The following PER1 variants were observed in gnomAD, a reference collection of about 807,000 sequenced individuals.
PER1 encodes period circadian regulator 1.
Under a neutral mutation model 125.9 loss-of-function variants are expected in PER1, and 87 were observed. The observed-to-expected ratio is 0.69, with a 90% CI of 0.58 to 0.83. The LOEUF (loss-of-function observed/expected upper bound fraction) is 0.83. Ranked by LOEUF, PER1 falls within the 40% of genes least tolerant of loss-of-function variation. PER1 has a pLI of 0.00. For missense variants in PER1, 1,775 were observed against 1,722.8 expected (o/e 1.03, Z -0.54); for synonymous variants, 801 against 714.7 (o/e 1.12, Z -1.93).
rs1257474591 is a variant in PER1, at chr17:8,141,182, C to G, written c.3759G>C (p.Glu1253Asp). The G allele has an allele frequency of 6.2e-7, 1 of 1,614,212 alleles. No homozygotes were observed. The highest frequency in any genetic ancestry group is 8.5e-7 in the Non-Finnish European group (1 of 1,180,034). ...TTGAAGCCTTGGCCCCGCCTTGGGCCTCCTCGCAGCCCTCTCCCTCACCAC... is the reference window on the plus strand; with the variant it reads ...TTGAAGCCTTGGCCCCGCCTTGGGCGTCCTCGCAGCCCTCTCCCTCACCAC... ...GGSGEGEGCE[E>D]AQGGAKASSS... is the part of the protein sequence containing the mutation. Residue 1253 changes from glutamate to aspartate, a missense_variant, in exon 23 of 23, where the codon GAG (glutamate) becomes GAC (aspartate). Transcript: ENST00000317276.
At chr17:8,151,479 C>G (rs539901084) in intron 1 of PER1, among the ~76,000 whole-genome samples, 1 of 152,218 alleles carries the variant, frequency 6.6e-6, no homozygotes, top group South Asian at 2.1e-4. Context: ...ATCCCCAGTC[C>G]CAGGATGGCT....
intron 18 of PER1, 184 bp downstream of exon 18, chr17:8,144,567 C>A: frequency 4.1e-6 from 3 of 730,852 alleles, no homozygotes; most frequent in Non-Finnish European, 6.3e-6. Context: ...CCTCTGGCTG[C>A]AGCCCGGAAC....
chr17:8,144,936 G>T lies in PER1; in HGVS notation c.2276C>A (p.Ala759Asp). ...GLAPGPAPSP[A>D]PSPTVAPDPA... is the part of the protein sequence containing the mutation. ...GTCAGGGGCTACTGTGGGGCTGGGGGCTGGGCTGGGGGCTGGGCCTGGGGC... is the reference window on the plus strand; with the variant it reads ...GTCAGGGGCTACTGTGGGGCTGGGGTCTGGGCTGGGGGCTGGGCCTGGGGC... The change falls in exon 18 of 23, where the codon GCC becomes GAC. Residue 759 changes from alanine to aspartate, a missense_variant. Ala to Asp is a moderately radical substitution (Grantham distance 126). Coordinates refer to ENST00000317276, the MANE Select transcript of PER1 (RefSeq NM_002616.3). 6.6e-7 allele frequency: 1 copy of T among 1,519,552 alleles called. No individual in the cohort carries two copies. Among genetic ancestry groups the T allele is most frequent in the Non-Finnish European group, 8.8e-7 (1 of 1,132,348 alleles). 94.1% of individuals were successfully genotyped at this position (1,519,552 alleles called of 1,614,324 possible). A position where few individuals can be genotyped will look rare whatever the true frequency, so the allele number is the denominator to read the frequency against.
intron 22 of PER1, 98 bp from the exon 23 acceptor site, chr17:8,141,438 T>C: frequency 7.3e-7 from 1 of 1,378,912 alleles, no homozygotes; most frequent in Non-Finnish European, 9.8e-7. Context: ...CTTCCCGAAA[T>C]GTACTCCCAA....
intron 17 of PER1, among the ~76,000 whole-genome samples, chr17:8,145,621 G>GC (rs1289558801): frequency 2.0e-5 from 3 of 152,156 alleles, no homozygotes; most frequent in Non-Finnish European, 2.9e-5. Context: ...ACCATGCCCA[G>GC]CCCCTCATGA....
rs550597520 is a variant in PER1 at position 8,146,057 on chromosome 17, C to T, written c.2119G>A (p.Ala707Thr). 6.8e-6 allele frequency: 11 copies of T among 1,613,956 alleles called. No homozygotes were observed. Among genetic ancestry groups the T allele is most frequent in the South Asian group, 6.6e-5 (6 of 91,078 alleles). ...ACACTCTCCGCCTTATTGGCCAGGG[C>T]GAGCGGGCTCAGGGTGCCTCCCACC... Reference protein sequence around the residue: ...PVVGGTLSPLALANKAESVVS... With the variant: ...PVVGGTLSPLTLANKAESVVS... Residue 707 changes from alanine to threonine, a missense_variant, in exon 17 of 23, where the codon GCC becomes ACC. Coordinates refer to ENST00000317276, the MANE Select transcript of PER1 (RefSeq NM_002616.3).
At chr17:8,149,193 A>T in intron 7 of PER1, 66 bp downstream of exon 7, 1 of 1,429,304 alleles carries the variant, frequency 7.0e-7, no homozygotes, top group Non-Finnish European at 9.6e-7. Flanking sequence ...CCTTTCAAAA[A>T]GCAAAAACAA....
chr17:8,147,493 G>A lies in PER1; in HGVS notation c.1474C>T (p.Gln492Ter), dbSNP rs1171297166. 1 of 1,613,886 alleles carries A rather than the reference G, an allele frequency of 6.2e-7. No individual in the cohort carries two copies. The highest frequency in any genetic ancestry group is 8.5e-7 in the Non-Finnish European group (1 of 1,179,898). ...LDTDIQELSE[Q>*]IHRLLLQPVH... ...ACCTGCAGCAGCAGCCGGTGGATCT[G>A]CTCTGACAGCTCCTGGATATCAGTG... Residue 492 changes from glutamine to a stop codon, truncating the protein, a stop_gained, in exon 12 of 23, where the codon CAG (glutamine) becomes TAG (stop). Coordinates refer to ENST00000317276, the MANE Select transcript of PER1 (RefSeq NM_002616.3). LOFTEE classifies it high-confidence loss of function.
At position 8,149,618 on chromosome 17, in the gene PER1, A is replaced by C. The variant is rs1001386956; in HGVS notation, c.697T>G (p.Tyr233Asp). 3 of 1,611,944 alleles carry C rather than the reference A, an allele frequency of 1.9e-6. No homozygotes were observed. The highest frequency in any genetic ancestry group is 2.5e-6 in the Non-Finnish European group (3 of 1,178,254). The change falls in exon 6 of 23, where the codon TAC becomes GAC. Residue 233 changes from tyrosine to aspartate, a missense_variant. Physicochemically the swap from Tyr to Asp is radical, Grantham distance 160. Coordinates refer to ENST00000317276, the MANE Select transcript of PER1 (RefSeq NM_002616.3). ...AVSFLTGRIVYISEQAAVLLR... is the reference protein window; with the variant it reads ...AVSFLTGRIVDISEQAAVLLR... ...AGGACGGCTGCCTGCTCCGAAATGT[A>C]GACGATTCGGCCCGTCAGGAAGGAG... is the stretch of plus-strand genomic sequence containing the variant.
chr17:8,141,923 T>C lies in PER1; in HGVS notation c.3482A>G (p.Glu1161Gly). The stretch of plus-strand genomic sequence containing the variant: ...CTGCTTCTGCATGGCTCGGAGCCGC[T>C]CCCGATCCTGCTTCAGCACAGAGGT... ...DMTSVLKQDR[E>G]RLRAMQKQQP... The change falls in exon 22 of 23, where the codon GAG becomes GGG. Residue 1161 changes from glutamate (E) to glycine (G), a missense_variant. Transcript: ENST00000317276. 6.2e-7 allele frequency: 1 copy of C among 1,614,016 alleles called. No homozygotes were observed. The highest frequency in any genetic ancestry group is 8.5e-7 in the Non-Finnish European group (1 of 1,180,024).
Position 8,141,124 on chromosome 17 carries a change from C to A in PER1, c.3817G>T (p.Glu1273Ter). 6.2e-7 allele frequency: 1 copy of A among 1,614,208 alleles called. No homozygotes were observed. Among genetic ancestry groups the A allele is most frequent in the Non-Finnish European group, 8.5e-7 (1 of 1,180,016 alleles). ...SQDLAMEEEE[E>*]GRSSSSPALP... ...GCTGGACTGGATGAGCTCCTGCCTT[C>A]TTCCTCCTCCTCCATAGCCAAGTCC... The change falls in exon 23 of 23, where the codon GAA (glutamate) becomes TAA (stop). Residue 1273 changes from glutamate (E) to a stop codon, truncating the protein, a stop_gained. Transcript: ENST00000317276. LOFTEE classifies it high-confidence loss of function.
chr17:8,142,630 C>T lies in PER1; in HGVS notation c.3259+19G>A. On this transcript the variant is annotated intron_variant, in intron 20 of 22. Coordinates refer to ENST00000317276, the MANE Select transcript of PER1 (RefSeq NM_002616.3). ...AATCACTGCCCTACCCTGGGAGATGCTGGAGGCGGGGTACTCACGAGTGAT... is the reference window on the plus strand; with the variant it reads ...AATCACTGCCCTACCCTGGGAGATGTTGGAGGCGGGGTACTCACGAGTGAT... The T allele has an allele frequency of 1.2e-6, 2 of 1,611,988 alleles. No individual in the cohort carries two copies. The highest frequency in any genetic ancestry group is 1.7e-6 in the Non-Finnish European group (2 of 1,178,522).
In PER1 at chr17:8,147,833, G is replaced by A; in HGVS notation, c.1235-6C>T. 2 of 1,613,664 alleles carry A rather than the reference G, an allele frequency of 1.2e-6. No individual in the cohort carries two copies. The highest frequency in any genetic ancestry group is 8.5e-7 in the Non-Finnish European group (1 of 1,179,946). On this transcript the variant is annotated splice_region_variant and splice_polypyrimidine_tract_variant and intron_variant, in intron 10 of 22. Coordinates refer to ENST00000317276, the MANE Select transcript of PER1 (RefSeq NM_002616.3). ...CTGGCCCGCCAACTGCAGAACTGATGGAAGTGGGAAAGGAGGAGCGGTCAA... is the reference window on the plus strand; with the variant it reads ...CTGGCCCGCCAACTGCAGAACTGATAGAAGTGGGAAAGGAGGAGCGGTCAA...
Position 8,147,491 on chromosome 17 carries a change from C to G in PER1, c.1476G>C (p.Gln492His), listed in dbSNP as rs1982531589. The G allele has an allele frequency of 6.2e-7, 1 of 1,613,808 alleles. No individual in the cohort carries two copies. The highest frequency in any genetic ancestry group is 8.5e-7 in the Non-Finnish European group (1 of 1,179,944). ...TCACCTGCAGCAGCAGCCGGTGGAT[C>G]TGCTCTGACAGCTCCTGGATATCAG... ...LDTDIQELSE[Q>H]IHRLLLQPVH... The change falls in exon 12 of 23, where the codon CAG becomes CAC. Residue 492 changes from glutamine (Q) to histidine (H), a missense_variant. Coordinates refer to ENST00000317276, the MANE Select transcript of PER1 (RefSeq NM_002616.3).
At chr17:8,143,049 A>T (rs1159024893) in intron 19 of PER1, among the ~76,000 whole-genome samples, 1 of 152,190 alleles carries the variant, frequency 6.6e-6, no homozygotes, top group Non-Finnish European at 1.5e-5. Context: ...CTCTCTCAGA[A>T]GTTATTGAGA....
At chr17:8,150,935 G>C in intron 1 of PER1, 90 bp from the exon 2 acceptor site, 1 of 512,064 alleles carries the variant, frequency 2.0e-6, no homozygotes. Context: ...CCCCCTGCCT[G>C]GCCTCCTGCA....
chr17:8,140,893 A>G lies in PER1; in HGVS notation c.*175T>C, dbSNP rs998175656. On this transcript the variant is annotated 3_prime_UTR_variant, in exon 23 of 23. Coordinates refer to ENST00000317276, the MANE Select transcript of PER1 (RefSeq NM_002616.3). Reference sequence around the variant, plus strand: ...GCGGAGTTCTGCTCTCTGCTCCCTAAGAGGCCAGAGGCAGCCCCTGGATCC... The same window carrying G: ...GCGGAGTTCTGCTCTCTGCTCCCTAGGAGGCCAGAGGCAGCCCCTGGATCC... 2.9e-6 allele frequency: 2 copies of G among 682,670 alleles called. No individual in the cohort carries two copies. The highest frequency in any genetic ancestry group is 1.8e-5 in the African/African-American group (1 of 55,590). The allele number at this position is 682,670 out of a possible 1,614,324, so 42.3% of individuals were successfully genotyped here.
At position 8,144,072 on chromosome 17, in the gene PER1, T is replaced by C. The variant is rs1204562343; in HGVS notation, c.2462-196A>G. On this transcript the variant is annotated intron_variant, in intron 18 of 22. Coordinates refer to ENST00000317276, the MANE Select transcript of PER1 (RefSeq NM_002616.3). ...TCACAGGAGCCAGGGACAAGGGGAT[T>C]TATTGAGAAAGGAACAAGGCCAGGG... The C allele has an allele frequency of 9.7e-6, 8 of 821,282 alleles. No homozygotes were observed. In the African/African-American group the frequency reaches 1.4e-4, roughly 14 times the overall value. The allele number at this position is 821,282 out of a possible 1,614,324, so 50.9% of individuals were successfully genotyped here.
At position 8,148,694 on chromosome 17, in the gene PER1, G is replaced by A. The variant is rs556782314; in HGVS notation, c.998C>T (p.Ala333Val). Residue 333 changes from alanine (A) to valine (V), a missense_variant, in exon 8 of 23, where the codon GCA (alanine) becomes GTA (valine). Ala to Val is a moderately conservative substitution (Grantham distance 64). Coordinates refer to ENST00000317276, the MANE Select transcript of PER1 (RefSeq NM_002616.3). ...TKIRVSDGAP[A>V]QPCCLLIAER... Reference sequence around the variant, plus strand: ...TGCAATCAGCAGGCAGCACGGCTGTGCAGGGGCCCCATCTGAGACCCGGAT... The same window carrying A: ...TGCAATCAGCAGGCAGCACGGCTGTACAGGGGCCCCATCTGAGACCCGGAT... 3.1e-6 allele frequency: 5 copies of A among 1,613,822 alleles called. No homozygotes were observed. In the South Asian group the frequency reaches 4.4e-5, roughly 14 times the overall value.
Sources: gnomAD v4.1 joint callset for allele counts (sites outside exome capture counted in the v4.1 genomes callset) on GRCh38, gnomAD v4.1.1 for gene constraint, MANE v1.5 for transcripts, NCBI Gene and HGNC (gene_info 2026-07-23, HGNC 2026-07-21) for gene names.